Variants in SLC9A9 observed in about 807,000 individuals in gnomAD.
SLC9A9 encodes sodium/hydrogen exchanger 9.
SLC9A9 carries 62 observed loss-of-function variants against 77.8 expected under a neutral mutation model. That is an observed-to-expected ratio of 0.80 (90% CI 0.65 to 0.98). The LOEUF (loss-of-function observed/expected upper bound fraction) is 0.98. Among genes scored for constraint, SLC9A9 ranks in the 50% least tolerant of loss-of-function variants. The pLI is 0.00. For synonymous variants in SLC9A9, 320 were observed against 283.5 expected (o/e 1.13, Z -1.29); for missense variants, 775 against 774.9 (o/e 1.00, Z 0.00).
chr3:143,307,525 G>A (rs1559861080), intron 14 of SLC9A9, among the ~76,000 whole-genome samples: 1 of 152,216 alleles, frequency 6.6e-6, no homozygotes, highest in Non-Finnish European at 1.5e-5. Context: ...AGAGTAAGCT[G>A]TAGATGCCTT....
rs1415836142 is a variant in SLC9A9, at chr3:143,372,157, A to ATC, written c.1525-8596_1525-8595dup. Among the ~76,000 whole-genome samples the ATC allele has an allele frequency of 3.9e-5, 6 of 152,338 alleles. No homozygotes were observed. In the East Asian group the frequency reaches 7.7e-4, roughly 20 times the overall value. ...TGATACTGCCTAAAGCAGTCTATAGATCCAATGTAGTTCCTATCAAAATAA... is the reference window on the plus strand; with the variant it reads ...TGATACTGCCTAAAGCAGTCTATAGATCTCCAATGTAGTTCCTATCAAAATAA... On this transcript the variant is annotated intron_variant, in intron 13 of 15. Transcript: ENST00000316549.
chr3:143,686,644 T>C (rs1346240616), intron 5 of SLC9A9, among the ~76,000 whole-genome samples: 1 of 152,142 alleles, frequency 6.6e-6, no homozygotes, highest in Non-Finnish European at 1.5e-5. Context: ...CTCCCCTCTT[T>C]ATCCACCTAC....
chr3:143,529,229 G>T (rs574880396), intron 9 of SLC9A9, among the ~76,000 whole-genome samples: 1 of 152,088 alleles, frequency 6.6e-6, no homozygotes, highest in Non-Finnish European at 1.5e-5. Flanking sequence ...GATCAGAACC[G>T]CAATACTGAG....
chr3:143,284,578 T>C (rs560997816), intron 14 of SLC9A9, among the ~76,000 whole-genome samples: 1 of 151,960 alleles, frequency 6.6e-6, no homozygotes, highest in East Asian at 1.9e-4. Context: ...TATTCTAAAA[T>C]ATAATATAAT....
intron 6 of SLC9A9, among the ~76,000 whole-genome samples, chr3:143,582,625 G>T (rs185347221): frequency 6.6e-6 from 1 of 152,280 alleles, no homozygotes; most frequent in African/African-American, 2.4e-5. Flanking sequence ...GGCAGGTACC[G>T]CAGAGAAATG....
chr3:143,332,332 C>T (rs938712307), intron 14 of SLC9A9, among the ~76,000 whole-genome samples: 1 of 152,114 alleles, frequency 6.6e-6, no homozygotes, highest in Non-Finnish European at 1.5e-5. Context: ...GGAACTGGTA[C>T]AAAGAAGAAG....
intron 12 of SLC9A9, among the ~76,000 whole-genome samples, chr3:143,391,902 A>G (rs2033575511): frequency 6.6e-6 from 1 of 152,218 alleles, no homozygotes; most frequent in African/African-American, 2.4e-5. Context: ...GTTTAGAGAA[A>G]AAAGAGTAAA....
At chr3:143,296,116 A>G (rs1304511739) in intron 14 of SLC9A9, among the ~76,000 whole-genome samples, 1 of 152,234 alleles carries the variant, frequency 6.6e-6, no homozygotes, top group Non-Finnish European at 1.5e-5. Context: ...TAAGTGCATA[A>G]TAATAGTATT....
intron 11 of SLC9A9, among the ~76,000 whole-genome samples, chr3:143,469,664 G>T (rs1331226822): frequency 6.6e-6 from 1 of 152,144 alleles, no homozygotes; most frequent in Non-Finnish European, 1.5e-5. Context: ...GAGACAAGTG[G>T]CATAACACAA....
intron 4 of SLC9A9, among the ~76,000 whole-genome samples, chr3:143,761,198 G>A (rs953830252): frequency 6.6e-6 from 1 of 152,098 alleles, no homozygotes; most frequent in Non-Finnish European, 1.5e-5. Flanking sequence ...AATTCAAGAT[G>A]GATTAACGAC....
In SLC9A9 at chr3:143,696,137, C is replaced by G. The variant is rs180870718; in HGVS notation, c.534-2830G>C. Among the ~76,000 whole-genome samples, 89 of 152,292 alleles carry G rather than the reference C, an allele frequency of 5.8e-4. No individual in the cohort carries two copies. In the East Asian group the frequency reaches 0.016, roughly 27 times the overall value. On this transcript the variant is annotated intron_variant, in intron 4 of 15. Coordinates refer to ENST00000316549, the MANE Select transcript of SLC9A9 (RefSeq NM_173653.4). ...GATGGTTTCTTTTGCTGTTCAGAAGCTCTTTAATTTAATTAGATCCCATTT... is the reference window on the plus strand; with the variant it reads ...GATGGTTTCTTTTGCTGTTCAGAAGGTCTTTAATTTAATTAGATCCCATTT...
At position 143,408,612 on chromosome 3, in the gene SLC9A9, G is replaced by A. The variant is rs115411236; in HGVS notation, c.1470-26498C>T. On this transcript the variant is annotated intron_variant, in intron 12 of 15. Coordinates refer to ENST00000316549, the MANE Select transcript of SLC9A9 (RefSeq NM_173653.4). ...TACCTGAACCTTTTCTAAGCTATGCGAAATTCTCCAGATTAAATGTTCCAC... is the reference window on the plus strand; with the variant it reads ...TACCTGAACCTTTTCTAAGCTATGCAAAATTCTCCAGATTAAATGTTCCAC... Among the ~76,000 whole-genome samples, 276 of 152,268 alleles carry A rather than the reference G, an allele frequency of 1.8e-3. 2 individuals are homozygous for A. The highest frequency in any genetic ancestry group is 7.0e-3 in the South Asian group (34 of 4,830).
At chr3:143,741,279 A>G (rs1935067080) in intron 4 of SLC9A9, among the ~76,000 whole-genome samples, 1 of 152,174 alleles carries the variant, frequency 6.6e-6, no homozygotes, top group African/African-American at 2.4e-5. Flanking sequence ...TCTCCCCCCA[A>G]AAAATCACCC....
At chr3:143,397,256 C>T (rs2033751475) in intron 12 of SLC9A9, among the ~76,000 whole-genome samples, 1 of 152,232 alleles carries the variant, frequency 6.6e-6, no homozygotes, top group Non-Finnish European at 1.5e-5. Context: ...ACTCTGGGTG[C>T]CCTGCCTGGG....
At chr3:143,282,258 C>A (rs1054173091) in intron 14 of SLC9A9, among the ~76,000 whole-genome samples, 2 of 152,012 alleles carry the variant, frequency 1.3e-5, no homozygotes, top group African/African-American at 2.4e-5. Context: ...CAACACATAC[C>A]CCCCCAAACC....
chr3:143,569,894 T>C (rs576396898), intron 8 of SLC9A9, among the ~76,000 whole-genome samples: 1 of 151,422 alleles, frequency 6.6e-6, no homozygotes, highest in African/African-American at 2.4e-5. Context: ...CATTGCAGTC[T>C]TGAACTCCTG....
intron 8 of SLC9A9, among the ~76,000 whole-genome samples, chr3:143,568,948 G>T (rs2037215324): frequency 1.3e-5 from 2 of 152,034 alleles, no homozygotes; most frequent in Admixed American, 1.3e-4. Flanking sequence ...AAAATATAAA[G>T]TAGCTGCTGA....
At chr3:143,269,035 T>G (rs1177907766) in intron 14 of SLC9A9, 55 bp from the exon 15 acceptor site, 1 of 1,290,216 alleles carries the variant, frequency 7.8e-7, no homozygotes, top group Non-Finnish European at 1.1e-6. Context: ...TTAGGAATCT[T>G]ACGCTGCACA....
intron 12 of SLC9A9, among the ~76,000 whole-genome samples, chr3:143,395,727 A>G (rs2033712348): frequency 6.6e-6 from 1 of 152,254 alleles, no homozygotes; most frequent in Non-Finnish European, 1.5e-5. Flanking sequence ...TCCAGAATCT[A>G]CAAAGAACTC....
Sources: allele counts gnomAD v4.1 joint callset (sites outside exome capture counted in the v4.1 genomes callset), GRCh38; gene constraint gnomAD v4.1.1; transcripts MANE v1.5; gene names NCBI Gene and HGNC (gene_info 2026-07-23, HGNC 2026-07-21).